The following PCDHGB4 variants were observed in gnomAD, a reference collection of about 807,000 sequenced individuals.
The protein encoded by PCDHGB4 is protocadherin gamma subfamily B, 4, also known as protocadherin gamma-B4.
PCDHGB4 carries 38 observed loss-of-function variants against 60.5 expected under a neutral mutation model. That is an observed-to-expected ratio of 0.63 (90% CI 0.48 to 0.82). PCDHGB4 has a LOEUF of 0.82. Ranked by LOEUF, PCDHGB4 falls within the 40% of genes least tolerant of loss-of-function variation. The probability of loss-of-function intolerance (pLI) is 0.00; values close to 1 mark genes in which losing one functional copy is unlikely to be tolerated. For synonymous variants in PCDHGB4, 456 were observed against 509.7 expected, an observed-to-expected ratio of 0.89 and a Z score of 1.42; for missense variants, 1,109 against 1,209.6, an observed-to-expected ratio of 0.92 and a Z score of 1.23.
chr5:141,404,948 G>C, intron 1 of PCDHGB4: 2 of 1,613,956 alleles, frequency 1.2e-6, no homozygotes, highest in Non-Finnish European at 1.7e-6. Context: ...AGCCATAGCT[G>C]ACAGCATCCC....
intron 1 of PCDHGB4, chr5:141,404,860 T>C (rs3749769): frequency 0.09 from 144,859 of 1,613,622 alleles, 7,500 homozygotes; most frequent in African/African-American, 0.18. Context: ...TAGATAGAGA[T>C]GCGCTCAAAC....
At chr5:141,392,782 A>G (rs1375306296) in intron 1 of PCDHGB4, 1 of 1,540,122 alleles carries the variant, frequency 6.5e-7, no homozygotes, top group Non-Finnish European at 8.7e-7. Context: ...TGCACAGTGA[A>G]GATTCTGAGA....
intron 1 of PCDHGB4, chr5:141,399,528 C>A: frequency 6.2e-7 from 1 of 1,614,046 alleles, no homozygotes; most frequent in Non-Finnish European, 8.5e-7. Flanking sequence ...GGGCCTCCAT[C>A]GCGCAAGTCT....
intron 1 of PCDHGB4, chr5:141,423,835 C>T (rs1371309974): frequency 1.2e-5 from 15 of 1,278,290 alleles, no homozygotes; most frequent in African/African-American, 9.4e-5. Flanking sequence ...CATGAGATTA[C>T]GATAATCTTT....
At position 141,405,002 on chromosome 5, in the gene PCDHGB4, C is replaced by T. The variant is rs2154535993; in HGVS notation, c.2397+14721C>T. ...GGGCAGTCTTCAGATCCCTGCAGAC[C>T]TGGAGGCCTCAGACCTTACCCTCTA... is the stretch of plus-strand genomic sequence containing the variant. On this transcript the variant is annotated intron_variant, in intron 1 of 3. Transcript: ENST00000519479. The T allele has an allele frequency of 1.9e-6, 3 of 1,613,870 alleles. No homozygotes were observed. In the East Asian group the frequency reaches 6.7e-5, roughly 36 times the overall value.
At chr5:141,408,712 T>G in intron 1 of PCDHGB4, 1 of 1,612,332 alleles carries the variant, frequency 6.2e-7, no homozygotes, top group Non-Finnish European at 8.5e-7. Flanking sequence ...TTAAAGATTA[T>G]AAGATAAACT....
intron 1 of PCDHGB4, chr5:141,408,760 C>T: frequency 6.2e-7 from 1 of 1,610,404 alleles, no homozygotes. Flanking sequence ...GAGTTAATTC[C>T]GATGGTGGCA....
chr5:141,473,848 A>T (rs1281010822), intron 1 of PCDHGB4, among the ~76,000 whole-genome samples: 1 of 152,198 alleles, frequency 6.6e-6, no homozygotes, highest in Non-Finnish European at 1.5e-5. Flanking sequence ...TTTTAGGAAG[A>T]TGAACCTCGC....
rs1257933448 is a variant in PCDHGB4, at chr5:141,490,285, G to C, written c.2398-4522G>C. 3 of 1,614,106 alleles carry C rather than the reference G, an allele frequency of 1.9e-6. No homozygotes were observed. In the African/African-American group the frequency reaches 4.0e-5, roughly 22 times the overall value. On this transcript the variant is annotated intron_variant, in intron 1 of 3. Coordinates refer to ENST00000519479, the MANE Select transcript of PCDHGB4 (RefSeq NM_003736.4). This position sits in a 1 kb window ranked among gnomAD's most constrained non-coding sequence, Gnocchi z 5.4. ...GGGGGATGTCAATGACAATGCCCCAGAGGTGCTATTGGCCTCTTTGGCCAA... is the reference window on the plus strand; with the variant it reads ...GGGGGATGTCAATGACAATGCCCCACAGGTGCTATTGGCCTCTTTGGCCAA...
At chr5:141,397,110 C>T (rs561188757) in intron 1 of PCDHGB4, among the ~76,000 whole-genome samples, 1 of 152,324 alleles carries the variant, frequency 6.6e-6, no homozygotes, top group African/African-American at 2.4e-5. Context: ...ATGCAATCCA[C>T]TAGAATATCC....
At position 141,470,884 on chromosome 5, in the gene PCDHGB4, G is replaced by T. The variant is rs2099243316; in HGVS notation, c.2398-23923G>T. 3.3e-5 allele frequency among the ~76,000 whole-genome samples: 5 copies of T among 151,648 alleles called. No individual in the cohort carries two copies. In the South Asian group the frequency reaches 1.0e-3, roughly 32 times the overall value. On this transcript the variant is annotated intron_variant, in intron 1 of 3. Coordinates refer to ENST00000519479, the MANE Select transcript of PCDHGB4 (RefSeq NM_003736.4). ...TTTGTTTGTTTGTTTTTTTGTTTTT[G>T]TTTTTGTTTTTTGTAGAGATGGGAC...
At chr5:141,418,632 G>A in intron 1 of PCDHGB4, 1 of 1,614,028 alleles carries the variant, frequency 6.2e-7, no homozygotes, top group Non-Finnish European at 8.5e-7. Flanking sequence ...GTGCCTCCAG[G>A]CACCTCCATC....
At position 141,432,015 on chromosome 5, in the gene PCDHGB4, A is replaced by G. The variant is rs745405194; in HGVS notation, c.2397+41734A>G. 6.2e-7 allele frequency: 1 copy of G among 1,614,196 alleles called. No individual in the cohort carries two copies. Among genetic ancestry groups the G allele is most frequent in the Admixed American group, 1.7e-5 (1 of 60,032 alleles). On this transcript the variant is annotated intron_variant, in intron 1 of 3. Coordinates refer to ENST00000519479, the MANE Select transcript of PCDHGB4 (RefSeq NM_003736.4). The surrounding 1 kb of genome is among the most constrained non-coding windows in gnomAD (Gnocchi z 6.0). ...GATAGGGAACAGGTTCCTAGCTACA[A>G]CATCACAGTGACCGCCACTGACCGG...
chr5:141,489,713 A>G lies in PCDHGB4; in HGVS notation c.2398-5094A>G. On this transcript the variant is annotated intron_variant, in intron 1 of 3. Coordinates refer to ENST00000519479, the MANE Select transcript of PCDHGB4 (RefSeq NM_003736.4). The surrounding 1 kb of genome is among the most constrained non-coding windows in gnomAD (Gnocchi z 4.5). The stretch of plus-strand genomic sequence containing the variant: ...GCACGATTCCCACTGGACAGTGCCC[A>G]GGATCCGGATGTGGGCACCAATACT... 1.9e-6 allele frequency: 3 copies of G among 1,614,162 alleles called. No individual in the cohort carries two copies. The highest frequency in any genetic ancestry group is 2.5e-6 in the Non-Finnish European group (3 of 1,179,968).
chr5:141,460,026 C>T (rs565259315), intron 1 of PCDHGB4, among the ~76,000 whole-genome samples: 36 of 152,090 alleles, frequency 2.4e-4, no homozygotes, highest in Non-Finnish European at 3.2e-4. Flanking sequence ...TGCAGTGAGC[C>T]GAGACTGCAC....
At chr5:141,398,644 T>C (rs772408476) in intron 1 of PCDHGB4, 7 of 1,613,908 alleles carry the variant, frequency 4.3e-6, no homozygotes, top group Non-Finnish European at 5.9e-6. Context: ...GTATAAACTC[T>C]CTCTTAACCC....
intron 1 of PCDHGB4, chr5:141,413,452 AGGATAGACC>A (rs2095643065): frequency 6.2e-7 from 1 of 1,614,124 alleles, no homozygotes; most frequent in Admixed American, 1.7e-5. Context: ...CACCGCGGGC[AGGATAGACC>A]GGGAGGAGCT....
At chr5:141,464,657 T>G (rs575409062) in intron 1 of PCDHGB4, among the ~76,000 whole-genome samples, 1 of 152,312 alleles carries the variant, frequency 6.6e-6, no homozygotes, top group South Asian at 2.1e-4. Context: ...GGTAAAAAGA[T>G]ATCTCCAAAT....
In PCDHGB4 at chr5:141,476,299, C is replaced by G; in HGVS notation, c.2398-18508C>G. On this transcript the variant is annotated intron_variant, in intron 1 of 3. Transcript: ENST00000519479. This position sits in a 1 kb window ranked among gnomAD's most constrained non-coding sequence, Gnocchi z 7.6. The stretch of plus-strand genomic sequence containing the variant: ...ACCTTGGTTTGGATCTCGGTAGCCT[C>G]TCAGCCCGCAGGTTCCGGGTGGTGT... The G allele has an allele frequency of 6.2e-7, 1 of 1,614,100 alleles. No individual in the cohort carries two copies. The highest frequency in any genetic ancestry group is 8.5e-7 in the Non-Finnish European group (1 of 1,180,014).
Sources: gnomAD v4.1 joint callset for allele counts (sites outside exome capture counted in the v4.1 genomes callset) on GRCh38, gnomAD v4.1.1 for gene constraint, Gnocchi (gnomAD v3.1) non-coding constraint, MANE v1.5 for transcripts, NCBI Gene and HGNC (gene_info 2026-07-23, HGNC 2026-07-21) for gene names.